CYP51A1: variants seen among roughly 807,000 people sequenced by gnomAD.
The protein encoded by CYP51A1 is cytochrome P450 family 51 subfamily A member 1.
In CYP51A1, 45 loss-of-function variants were observed where a neutral mutation model predicts 53.5. The observed-to-expected ratio is 0.84, with a 90% CI of 0.66 to 1.08. The LOEUF is 1.08. Ranked by LOEUF, CYP51A1 falls within the 50% of genes least tolerant of loss-of-function variation. CYP51A1 has a pLI of 0.00. For missense variants in CYP51A1, 462 were observed against 621.7 expected (o/e 0.74, Z 2.73); for synonymous variants, 181 against 217.7 (o/e 0.83, Z 1.48).
chr7:92,120,390 T>C (rs1819667474), intron 7 of CYP51A1, among the ~76,000 whole-genome samples: 1 of 152,208 alleles, frequency 6.6e-6, no homozygotes, highest in African/African-American at 2.4e-5. Flanking sequence ...AGACTAAACA[T>C]ATCAATGGAA....
chr7:92,115,547 C>T (rs372613432), intron 9 of CYP51A1, among the ~76,000 whole-genome samples: 14 of 152,142 alleles, frequency 9.2e-5, no homozygotes, highest in African/African-American at 2.4e-4. Flanking sequence ...AGGAGGAGCA[C>T]GGTCCTGCCA....
At chr7:92,126,082 T>C (rs139611541) in intron 5 of CYP51A1, among the ~76,000 whole-genome samples, 171 bp downstream of exon 5, 35 of 152,308 alleles carry the variant, frequency 2.3e-4, no homozygotes, top group African/African-American at 7.7e-4. Flanking sequence ...ATGAGCTCAT[T>C]ATATAAAGAA....
chr7:92,127,829 G>A (rs1308022990), intron 3 of CYP51A1, among the ~76,000 whole-genome samples, 198 bp from the exon 4 acceptor site: 1 of 152,048 alleles, frequency 6.6e-6, no homozygotes, highest in Non-Finnish European at 1.5e-5. Context: ...ATATATATCT[G>A]AACAGAGGGA....
chr7:92,127,141 A>C (rs1459567880), intron 4 of CYP51A1, among the ~76,000 whole-genome samples: 2 of 152,244 alleles, frequency 1.3e-5, no homozygotes, highest in African/African-American at 4.8e-5. Context: ...GTATGGTTAG[A>C]AAATATATCA....
intron 3 of CYP51A1, among the ~76,000 whole-genome samples, 187 bp downstream of exon 3, chr7:92,128,693 T>C (rs1819856039): frequency 6.6e-6 from 1 of 152,142 alleles, no homozygotes; most frequent in Admixed American, 6.5e-5. Context: ...TTCACCATGT[T>C]GGCCAGGCTG....
chr7:92,129,183 C>A (rs932814133), intron 2 of CYP51A1, 127 bp from the exon 3 acceptor site: 32 of 542,694 alleles, frequency 5.9e-5, no homozygotes, highest in African/African-American at 1.6e-4. Flanking sequence ...TAAAGCAATT[C>A]TTTTCATCTT....
At chr7:92,128,306 T>C (rs1819841725) in intron 3 of CYP51A1, among the ~76,000 whole-genome samples, 1 of 152,178 alleles carries the variant, frequency 6.6e-6, no homozygotes, top group Non-Finnish European at 1.5e-5. Context: ...TGACAGCAAA[T>C]ATAAAACTAA....
At chr7:92,127,010 C>T (rs1819814670) in intron 4 of CYP51A1, among the ~76,000 whole-genome samples, 1 of 152,146 alleles carries the variant, frequency 6.6e-6, no homozygotes, top group African/African-American at 2.4e-5. Flanking sequence ...GATCATCTGG[C>T]TTTCCAATTA....
At position 92,134,454 on chromosome 7, in the gene CYP51A1, G is replaced by A; in HGVS notation, c.-90C>T. On this transcript the variant is annotated 5_prime_UTR_variant, in exon 1 of 10. Transcript: ENST00000003100. ...AAGCTGGCAGATGGTCGTCCACAGGGGGCCTTGCCCCAGGTCTCCTACTAA... is the reference window on the plus strand; with the variant it reads ...AAGCTGGCAGATGGTCGTCCACAGGAGGCCTTGCCCCAGGTCTCCTACTAA... 3 of 1,380,518 alleles carry A rather than the reference G, an allele frequency of 2.2e-6. No individual in the cohort carries two copies. Among genetic ancestry groups the A allele is most frequent in the Non-Finnish European group, 2.9e-6 (3 of 1,033,394 alleles). 85.5% of individuals were successfully genotyped at this position (1,380,518 alleles called of 1,614,324 possible).
intron 7 of CYP51A1, among the ~76,000 whole-genome samples, chr7:92,121,319 A>G (rs1351151663): frequency 6.6e-6 from 1 of 152,012 alleles, no homozygotes; most frequent in Non-Finnish European, 1.5e-5. Flanking sequence ...CACCTATTAT[A>G]ATAAAAAAAT....
rs1215296488 is a variant in CYP51A1 at position 92,116,984 on chromosome 7, TGACAGA to T, written c.1351+54_1351+59del. On this transcript the variant is annotated intron_variant, in intron 9 of 9. Transcript: ENST00000003100. ...TTTGTAAACACAATTCGGAATATTT[TGACAGA>T]GACAAATATGTTATCAGAACAAACA... is the stretch of plus-strand genomic sequence containing the variant. 9 of 1,478,476 alleles carry T rather than the reference TGACAGA, an allele frequency of 6.1e-6. No individual in the cohort carries two copies. The African/African-American group carries it at 1.1e-4, about 19-fold the overall frequency. The allele number at this position is 1,478,476 out of a possible 1,614,324, so 91.6% of individuals were successfully genotyped here.
At position 92,127,541 on chromosome 7, in the gene CYP51A1, C is replaced by T; in HGVS notation, c.559G>A (p.Glu187Lys). ...HVSIIEKETK[E>K]YFESWGESGE... ...CTTTCTCCCCAACTCTCAAAGTATT[C>T]CTTTGTTTCTTTTTCAATTATAGAA... is the stretch of plus-strand genomic sequence containing the variant. The change falls in exon 4 of 10, where the codon GAA becomes AAA. Residue 187 changes from glutamate to lysine, a missense_variant. Physicochemically the swap from Glu to Lys is moderately conservative, Grantham distance 56. Coordinates refer to ENST00000003100, the MANE Select transcript of CYP51A1 (RefSeq NM_000786.4). 1 of 1,612,014 alleles carries T rather than the reference C, an allele frequency of 6.2e-7. No homozygotes were observed. Among genetic ancestry groups the T allele is most frequent in the Non-Finnish European group, 8.5e-7 (1 of 1,179,202 alleles).
intron 8 of CYP51A1, among the ~76,000 whole-genome samples, chr7:92,118,163 A>AT (rs899493136): frequency 9.7e-4 from 145 of 149,852 alleles, no homozygotes; most frequent in African/African-American, 2.5e-3. Flanking sequence ...TTTTATTTTT[A>AT]TTTTTTTTGA....
Position 92,112,714 on chromosome 7 carries a change from C to CAACT in CYP51A1, c.*947_*950dup, listed in dbSNP as rs1262940487. 1 of 151,680 alleles carries CAACT rather than the reference C, an allele frequency of 6.6e-6. No individual in the cohort carries two copies. The highest frequency in any genetic ancestry group is 2.4e-5 in the African/African-American group (1 of 41,206). 9.4% of individuals were successfully genotyped at this position (151,680 alleles called of 1,614,324 possible). ...GCATGGTGGCAGGTGCCTGTAATCC[C>CAACT]AACTACTTGGGAGGCTGAGGCAGAG... On this transcript the variant is annotated 3_prime_UTR_variant, in exon 10 of 10. Transcript: ENST00000003100.
intron 9 of CYP51A1, among the ~76,000 whole-genome samples, chr7:92,114,052 T>A (rs1819529238): frequency 6.6e-6 from 1 of 152,174 alleles, no homozygotes; most frequent in Non-Finnish European, 1.5e-5. Flanking sequence ...ACTTGACTGA[T>A]CACATAACTT....
chr7:92,123,602 A>T, intron 6 of CYP51A1, 132 bp downstream of exon 6: 1 of 857,352 alleles, frequency 1.2e-6, no homozygotes, highest in Non-Finnish European at 1.8e-6. Context: ...TCAACAATTT[A>T]AAGAGTCCAA....
intron 7 of CYP51A1, 53 bp from the exon 8 acceptor site, chr7:92,118,668 C>A: frequency 9.5e-7 from 1 of 1,051,098 alleles, no homozygotes. Context: ...TTCAACAGTA[C>A]AAAAAATTAG....
intron 7 of CYP51A1, among the ~76,000 whole-genome samples, chr7:92,120,631 T>C (rs900280573): frequency 6.6e-6 from 1 of 152,118 alleles, no homozygotes; most frequent in African/African-American, 2.4e-5. Flanking sequence ...GAAAAAATAG[T>C]CTTTTCAACA....
chr7:92,123,968 A>C (rs906875397), intron 5 of CYP51A1, 115 bp from the exon 6 acceptor site: 16 of 760,580 alleles, frequency 2.1e-5, no homozygotes, highest in African/African-American at 7.3e-5. Context: ...AACTTTAATG[A>C]CTCTAAAATA....
Sources: gnomAD v4.1 joint callset for allele counts (sites outside exome capture counted in the v4.1 genomes callset) on GRCh38, gnomAD v4.1.1 for gene constraint, MANE v1.5 for transcripts, NCBI Gene and HGNC (gene_info 2026-07-23, HGNC 2026-07-21) for gene names.